Variants in PTPRD observed in about 807,000 individuals in gnomAD.
PTPRD encodes the protein protein tyrosine phosphatase receptor type D, also known as receptor-type tyrosine-protein phosphatase delta.
PTPRD carries 34 observed loss-of-function variants against 214.5 expected under a neutral mutation model. The ratio of observed to expected loss-of-function variants is 0.16; its 90% CI spans 0.12 to 0.21. The LOEUF (loss-of-function observed/expected upper bound fraction) is 0.21, where lower values mean the gene tolerates loss of function less well. Ranked by LOEUF, PTPRD falls within the 10% of genes least tolerant of loss-of-function variation. The probability of loss-of-function intolerance (pLI) is 1.00; values close to 1 mark genes in which losing one functional copy is unlikely to be tolerated. For missense variants in PTPRD, 2,545 were observed against 2,398.7 expected (o/e 1.06, Z -1.27); for synonymous variants, 1,128 against 845.7 (o/e 1.33, Z -5.79).
intron 36 of PTPRD, among the ~76,000 whole-genome samples, chr9:8,391,281 T>C (rs1444318715): frequency 6.6e-6 from 1 of 152,152 alleles, no homozygotes; most frequent in East Asian, 1.9e-4. Context: ...GAAAATCAGA[T>C]GGAAACTACT....
At chr9:8,935,859 T>C (rs1488026181) in intron 11 of PTPRD, among the ~76,000 whole-genome samples, 1 of 152,204 alleles carries the variant, frequency 6.6e-6, no homozygotes, top group African/African-American at 2.4e-5. Flanking sequence ...AGTTTCCTTT[T>C]GGGGTTACAT....
chr9:8,962,888 T>C (rs905735449), intron 11 of PTPRD: 2 of 152,118 alleles, frequency 1.3e-5, no homozygotes, highest in African/African-American at 4.8e-5. Flanking sequence ...ACTGAGGTGA[T>C]ATGAATACTC....
intron 11 of PTPRD, among the ~76,000 whole-genome samples, chr9:8,764,777 A>G (rs2094604268): frequency 6.7e-6 from 1 of 150,202 alleles, no homozygotes; most frequent in Non-Finnish European, 1.5e-5. Flanking sequence ...GATGGGCAAC[A>G]GAGAGTTTGT....
At position 10,275,348 on chromosome 9, in the gene PTPRD, T is replaced by C. The variant is rs1249787878; in HGVS notation, c.-545+65615A>G. On this transcript the variant is annotated intron_variant, in intron 3 of 45. Transcript: ENST00000381196. ...CATCTGAGATGTGCTATTTTCAAGATCTAAACCTTTAGATAGTTTAACTTC... is the reference window on the plus strand; with the variant it reads ...CATCTGAGATGTGCTATTTTCAAGACCTAAACCTTTAGATAGTTTAACTTC... 3.3e-5 allele frequency among the ~76,000 whole-genome samples: 5 copies of C among 152,126 alleles called. No individual in the cohort carries two copies. In the East Asian group the frequency reaches 7.7e-4, roughly 23 times the overall value.
In PTPRD at chr9:9,644,358, A is replaced by G. The variant is rs572296251; in HGVS notation, c.-286-69577T>C. Among the ~76,000 whole-genome samples, 15 of 152,266 alleles carry G rather than the reference A, an allele frequency of 9.9e-5. 1 individual carries two copies. In the South Asian group the frequency reaches 3.1e-3, roughly 32 times the overall value. ...CTTCTCAGTTGATTTAATGCAGCAG[A>G]AATCAGATAACCAGTATCATCAATC... On this transcript the variant is annotated intron_variant, in intron 7 of 45. Transcript: ENST00000381196.
chr9:8,345,817 T>G (rs991761816), intron 39 of PTPRD, among the ~76,000 whole-genome samples: 15 of 151,860 alleles, frequency 9.9e-5, no homozygotes, highest in African/African-American at 3.6e-4. Flanking sequence ...TTTCGTTTTG[T>G]TTTTTTTATT....
chr9:9,011,398 T>C (rs958915171), intron 11 of PTPRD, among the ~76,000 whole-genome samples: 1 of 152,146 alleles, frequency 6.6e-6, no homozygotes, highest in African/African-American at 2.4e-5. Context: ...GTAAAATACA[T>C]ATTAACTGCA....
intron 14 of PTPRD, among the ~76,000 whole-genome samples, chr9:8,631,809 G>C (rs1289916984): frequency 6.6e-6 from 1 of 151,710 alleles, no homozygotes; most frequent in East Asian, 1.9e-4. Flanking sequence ...TTAGCAACTG[G>C]AAATTTCAAT....
At chr9:8,403,431 G>A (rs887735718) in intron 36 of PTPRD, among the ~76,000 whole-genome samples, 3 of 152,212 alleles carry the variant, frequency 2.0e-5, no homozygotes, top group Non-Finnish European at 2.9e-5. Flanking sequence ...TGCCAAGGGT[G>A]ACCCAGGTTG....
chr9:10,382,065 T>C lies in PTPRD; in HGVS notation c.-599-41048A>G, dbSNP rs537676950. ...TATTCTTCAAATCCAGTAAGTCGTC[T>C]AATGTCTGCAATTCACTGTCATTGC... is the stretch of plus-strand genomic sequence containing the variant. On this transcript the variant is annotated intron_variant, in intron 2 of 45. Coordinates refer to ENST00000381196, the MANE Select transcript of PTPRD (RefSeq NM_002839.4). Among the ~76,000 whole-genome samples, 3 of 152,036 alleles carry C rather than the reference T, an allele frequency of 2.0e-5. No homozygotes were observed. In the South Asian group the frequency reaches 6.2e-4, roughly 32 times the overall value.
chr9:9,595,322 T>TTA (rs1563936987), intron 7 of PTPRD, among the ~76,000 whole-genome samples: 1 of 75,428 alleles, frequency 1.3e-5, no homozygotes, highest in South Asian at 3.0e-4. Context: ...TATATATATT[T>TTA]TATATATATA....
chr9:8,453,488 G>A (rs981668268), intron 33 of PTPRD, among the ~76,000 whole-genome samples: 1 of 152,182 alleles, frequency 6.6e-6, no homozygotes, highest in African/African-American at 2.4e-5. Flanking sequence ...TTTTAAGTGA[G>A]TTTAAAGTGT....
At chr9:9,224,594 T>C (rs1219394466) in intron 9 of PTPRD, among the ~76,000 whole-genome samples, 1 of 151,984 alleles carries the variant, frequency 6.6e-6, no homozygotes, top group African/African-American at 2.4e-5. Flanking sequence ...TTATTAATGA[T>C]TAAGGTAAAC....
chr9:8,527,246 T>G (rs2139363376), intron 16 of PTPRD, 99 bp downstream of exon 16: 1 of 1,282,296 alleles, frequency 7.8e-7, no homozygotes, highest in African/African-American at 1.5e-5. Context: ...ACACTGACAG[T>G]TAGTAAAATG....
chr9:8,394,563 T>C (rs554391687), intron 36 of PTPRD, among the ~76,000 whole-genome samples: 56 of 152,302 alleles, frequency 3.7e-4, no homozygotes, highest in Non-Finnish European at 6.3e-4. Flanking sequence ...TTACTCAACT[T>C]GCCCAGAACT....
At chr9:8,387,458 C>A (rs958057710) in intron 37 of PTPRD, among the ~76,000 whole-genome samples, 3 of 152,180 alleles carry the variant, frequency 2.0e-5, no homozygotes, top group Non-Finnish European at 4.4e-5. Context: ...TGAAGGCCTG[C>A]AGTGTCAAGA....
intron 5 of PTPRD, among the ~76,000 whole-genome samples, chr9:9,881,365 C>G (rs2068632312): frequency 1.3e-5 from 2 of 152,122 alleles, no homozygotes; most frequent in African/African-American, 4.8e-5. Context: ...TTGCCTATCT[C>G]AAACTATGAG....
At chr9:8,839,718 G>C (rs868621442) in intron 11 of PTPRD, among the ~76,000 whole-genome samples, 2 of 152,106 alleles carry the variant, frequency 1.3e-5, no homozygotes, top group Non-Finnish European at 2.9e-5. Context: ...GCAAAATATA[G>C]AAAAAGCTAC....
At chr9:10,251,656 T>C (rs2092780858) in intron 3 of PTPRD, among the ~76,000 whole-genome samples, 1 of 152,216 alleles carries the variant, frequency 6.6e-6, no homozygotes, top group Non-Finnish European at 1.5e-5. Flanking sequence ...TTAGCTAATA[T>C]TACTACAAGT....
Sources: gnomAD v4.1 joint callset for allele counts (sites outside exome capture counted in the v4.1 genomes callset) on GRCh38, gnomAD v4.1.1 for gene constraint, MANE v1.5 for transcripts, NCBI Gene and HGNC (gene_info 2026-07-23, HGNC 2026-07-21) for gene names.